The following RAB11FIP2 variants were observed in gnomAD, a reference collection of about 807,000 sequenced individuals.
RAB11FIP2 encodes the protein RAB11 family interacting protein 2.
Under a neutral mutation model 40.9 loss-of-function variants are expected in RAB11FIP2, and 16 were observed. The ratio of observed to expected loss-of-function variants is 0.39; its 90% confidence interval spans 0.26 to 0.59. RAB11FIP2 has a LOEUF of 0.59. Ranked by LOEUF, RAB11FIP2 falls within the 20% of genes least tolerant of loss-of-function variation. The pLI, the probability that RAB11FIP2 is intolerant of heterozygous loss-of-function variation, is 0.53. For missense variants in RAB11FIP2, 532 were observed against 606.2 expected (o/e 0.88, Z 1.28); for synonymous variants, 228 against 213.7 (o/e 1.07, Z -0.58).
chr10:118,040,301 CT>C lies in RAB11FIP2; in HGVS notation c.617del (p.Gln206ArgfsTer2). The stretch of plus-strand genomic sequence containing the variant: ...AAGGCTTTTTTGGTTTGGATTTCAT[CT>C]GTATTTCACCACTTGAAAATTCACT... ...ANSEFSSGEI[Q>X]MKSKPKKPFL... On this transcript the variant is annotated frameshift_variant, in exon 2 of 5. Transcript: ENST00000355624. LOFTEE classifies it high-confidence loss of function. The C allele has an allele frequency of 6.2e-7, 1 of 1,613,882 alleles. No individual in the cohort carries two copies. The highest frequency in any genetic ancestry group is 8.5e-7 in the Non-Finnish European group (1 of 1,179,836).
At chr10:118,041,751 A>G (rs2133183832) in intron 1 of RAB11FIP2, among the ~76,000 whole-genome samples, 1 of 152,312 alleles carries the variant, frequency 6.6e-6, no homozygotes, top group Admixed American at 6.5e-5. Flanking sequence ...ATACTGGCAC[A>G]TGATATAAAT....
In RAB11FIP2 at chr10:118,046,487, C is replaced by G. The variant is rs1846641238; in HGVS notation, c.-324G>C. ...GCACGTGAGGCCTGGCCACACGGAC[C>G]CGGGCGGAGGGCTGCGGGGGTGAAG... On this transcript the variant is annotated 5_prime_UTR_variant, in exon 1 of 5. Coordinates refer to ENST00000355624, the MANE Select transcript of RAB11FIP2 (RefSeq NM_014904.3). 1 of 237,948 alleles carries G rather than the reference C, an allele frequency of 4.2e-6. No individual in the cohort carries two copies. Among genetic ancestry groups the G allele is most frequent in the African/African-American group, 2.4e-5 (1 of 41,758 alleles). 14.7% of individuals were successfully genotyped at this position (237,948 alleles called of 1,614,324 possible).
chr10:118,020,444 T>G (rs1026484441), intron 3 of RAB11FIP2, among the ~76,000 whole-genome samples: 4 of 152,222 alleles, frequency 2.6e-5, no homozygotes, highest in African/African-American at 9.6e-5. Flanking sequence ...TGCTCCACTC[T>G]GACCCTCACT....
chr10:118,033,854 A>G, intron 3 of RAB11FIP2: 1 of 646,216 alleles, frequency 1.5e-6, no homozygotes, highest in Non-Finnish European at 2.8e-6. Context: ...AAGTGCTCTA[A>G]TAAATATATA....
Position 118,007,508 on chromosome 10 carries a change from C to A in RAB11FIP2, c.*1490G>T. 6.7e-6 allele frequency: 1 copy of A among 149,502 alleles called. No homozygotes were observed. The highest frequency in any genetic ancestry group is 1.5e-5 in the Non-Finnish European group (1 of 67,616). The allele number at this position is 149,502 out of a possible 1,614,324, so 9.3% of individuals were successfully genotyped here. A position where few individuals can be genotyped will look rare whatever the true frequency, so the allele number is the denominator to read the frequency against. ...TGTTTAACTTTCAATGGAGTCTTAACAGAGATAAGTATTAGAAAAAAATGC... is the reference window on the plus strand; with the variant it reads ...TGTTTAACTTTCAATGGAGTCTTAAAAGAGATAAGTATTAGAAAAAAATGC... On this transcript the variant is annotated 3_prime_UTR_variant, in exon 5 of 5. Coordinates refer to ENST00000355624, the MANE Select transcript of RAB11FIP2 (RefSeq NM_014904.3).
At chr10:118,033,883 A>G in intron 3 of RAB11FIP2, 1 of 691,332 alleles carries the variant, frequency 1.4e-6, no homozygotes, top group Admixed American at 2.0e-5. Flanking sequence ...TCAGTAACTT[A>G]TATCCTGTGA....
At chr10:118,017,029 A>T (rs1263693296) in intron 3 of RAB11FIP2, among the ~76,000 whole-genome samples, 3 of 152,168 alleles carry the variant, frequency 2.0e-5, no homozygotes, top group Non-Finnish European at 4.4e-5. Flanking sequence ...ACCAAAATTA[A>T]CTCATTTAAT....
chr10:118,046,266 A>C lies in RAB11FIP2; in HGVS notation c.-103T>G. The C allele has an allele frequency of 9.6e-7, 1 of 1,042,756 alleles. No individual in the cohort carries two copies. The highest frequency in any genetic ancestry group is 1.4e-6 in the Non-Finnish European group (1 of 702,286). 64.6% of individuals were successfully genotyped at this position (1,042,756 alleles called of 1,614,324 possible). On this transcript the variant is annotated 5_prime_UTR_variant, in exon 1 of 5. Transcript: ENST00000355624. The stretch of plus-strand genomic sequence containing the variant: ...ACTGCATCCTAAGGACACTTAACGG[A>C]AACAGGCAGGCTCAGGGCTCCCCGA...
At chr10:118,019,654 T>G (rs917241397) in intron 3 of RAB11FIP2, among the ~76,000 whole-genome samples, 1 of 151,740 alleles carries the variant, frequency 6.6e-6, no homozygotes, top group African/African-American at 2.4e-5. Context: ...AAACCCCGTC[T>G]CTACTAAAAA....
intron 2 of RAB11FIP2, 103 bp downstream of exon 2, chr10:118,040,020 A>G (rs962122217): frequency 2.6e-5 from 30 of 1,173,788 alleles, no homozygotes; most frequent in Non-Finnish European, 3.3e-5. Context: ...TTTGGAAAAT[A>G]CTACAAAGCA....
chr10:118,016,313 C>T (rs923714739), intron 3 of RAB11FIP2, among the ~76,000 whole-genome samples: 1 of 152,174 alleles, frequency 6.6e-6, no homozygotes, highest in Non-Finnish European at 1.5e-5. Context: ...GTTTTAAAAA[C>T]CTACAAAGCA....
intron 1 of RAB11FIP2, among the ~76,000 whole-genome samples, chr10:118,041,897 T>G (rs1343107199): frequency 6.6e-6 from 1 of 152,142 alleles, no homozygotes; most frequent in Non-Finnish European, 1.5e-5. Flanking sequence ...AAAATACTAT[T>G]AGCCTGAGAC....
chr10:118,009,503 T>C (rs548091675), intron 4 of RAB11FIP2, among the ~76,000 whole-genome samples: 40 of 152,172 alleles, frequency 2.6e-4, no homozygotes, highest in Middle Eastern at 3.4e-3. Context: ...TCATGTAAGA[T>C]TACATTAAGA....
chr10:118,046,199 C>G lies in RAB11FIP2; in HGVS notation c.-36G>C, dbSNP rs1589650789. 3.2e-6 allele frequency: 5 copies of G among 1,557,332 alleles called. No individual in the cohort carries two copies. The East Asian group carries it at 9.0e-5, about 28-fold the overall frequency. On this transcript the variant is annotated 5_prime_UTR_variant, in exon 1 of 5. Transcript: ENST00000355624. ...TTCTCTGCCCCCGAGTTCCCTAGCACAGGCAGTGCCCCTCCCGGAGGGAGA... is the reference window on the plus strand; with the variant it reads ...TTCTCTGCCCCCGAGTTCCCTAGCAGAGGCAGTGCCCCTCCCGGAGGGAGA...
chr10:118,041,226 A>T (rs1032055031), intron 1 of RAB11FIP2, among the ~76,000 whole-genome samples: 28 of 152,066 alleles, frequency 1.8e-4, no homozygotes, highest in South Asian at 2.1e-4. Flanking sequence ...AGTGACAAAA[A>T]ATAAATCTTG....
intron 3 of RAB11FIP2, among the ~76,000 whole-genome samples, chr10:118,019,469 G>A (rs1337162469): frequency 6.6e-6 from 1 of 152,124 alleles, no homozygotes; most frequent in Non-Finnish European, 1.5e-5. Context: ...CAGAAGAACT[G>A]ACATTAACTA....
At chr10:118,038,730 C>T (rs1402706218) in intron 3 of RAB11FIP2, among the ~76,000 whole-genome samples, 4 of 152,018 alleles carry the variant, frequency 2.6e-5, no homozygotes, top group Non-Finnish European at 4.4e-5. Flanking sequence ...GAATTTCTGG[C>T]TCACATAAGT....
chr10:118,040,081 G>A, intron 2 of RAB11FIP2, 42 bp downstream of exon 2: 3 of 1,517,056 alleles, frequency 2.0e-6, no homozygotes, highest in East Asian at 2.3e-5. Flanking sequence ...AAAACTAAAA[G>A]GGTAGTTCAG....
intron 3 of RAB11FIP2, among the ~76,000 whole-genome samples, chr10:118,036,397 G>C (rs974681818): frequency 6.6e-6 from 1 of 152,092 alleles, no homozygotes; most frequent in Non-Finnish European, 1.5e-5. Context: ...CATTCGGTTA[G>C]GATGTTAATG....
Sources: allele counts gnomAD v4.1 joint callset (sites outside exome capture counted in the v4.1 genomes callset), GRCh38; gene constraint gnomAD v4.1.1; transcripts MANE v1.5; gene names NCBI Gene and HGNC (gene_info 2026-07-23, HGNC 2026-07-21).